ABL2: variants seen among roughly 807,000 people sequenced by gnomAD.
The protein encoded by ABL2 is ABL proto-oncogene 2, non-receptor tyrosine kinase.
A neutral mutation model predicts 107.7 loss-of-function variants in ABL2; 49 were observed. That is an observed-to-expected ratio of 0.45 (90% CI 0.36 to 0.58). ABL2 has a LOEUF of 0.58. Ranked by LOEUF, ABL2 falls within the 20% of genes least tolerant of loss-of-function variation. The pLI is 0.00. For synonymous variants in ABL2, 549 were observed against 548.6 expected (o/e 1.00, Z -0.01); for missense variants, 1,245 against 1,457.0 (o/e 0.85, Z 2.37).
chr1:179,114,383 C>T (rs1044656650), intron 9 of ABL2, among the ~76,000 whole-genome samples: 1 of 109,220 alleles, frequency 9.2e-6, no homozygotes, highest in Non-Finnish European at 2.0e-5. Flanking sequence ...GCCGAAATCA[C>T]GTCACTGCAC....
At chr1:179,215,949 T>C (rs1208815191) in intron 1 of ABL2, among the ~76,000 whole-genome samples, 4 of 152,192 alleles carry the variant, frequency 2.6e-5, no homozygotes, top group Non-Finnish European at 4.4e-5. Flanking sequence ...GAGAGAAACA[T>C]GTTAACAAAA....
intron 1 of ABL2, among the ~76,000 whole-genome samples, chr1:179,154,731 T>C (rs1482057073): frequency 6.6e-6 from 1 of 152,202 alleles, no homozygotes; most frequent in Non-Finnish European, 1.5e-5. Flanking sequence ...CAAAAGAACC[T>C]CTTAATATCA....
intron 3 of ABL2, among the ~76,000 whole-genome samples, chr1:179,128,742 G>A (rs1024785810): frequency 2.6e-5 from 4 of 152,142 alleles, no homozygotes; most frequent in African/African-American, 7.2e-5. Context: ...GCAGTGCAGC[G>A]GTGCAAACAC....
At chr1:179,225,277 G>A (rs1416133089) in intron 1 of ABL2, among the ~76,000 whole-genome samples, 1 of 152,154 alleles carries the variant, frequency 6.6e-6, no homozygotes, top group East Asian at 1.9e-4. Flanking sequence ...CATAATGTAT[G>A]TACCTTTTTA....
chr1:179,155,602 A>G (rs9650998), intron 1 of ABL2, among the ~76,000 whole-genome samples: 20,547 of 151,786 alleles, frequency 0.14, 1,758 homozygotes, highest in African/African-American at 0.24. Context: ...GTGGTGGCAT[A>G]TGCCTTTAGT....
rs941656259 is a variant in ABL2 at position 179,104,684 on chromosome 1, T to C, written c.*3034A>G. On this transcript the variant is annotated 3_prime_UTR_variant, in exon 12 of 12. Coordinates refer to ENST00000502732, the MANE Select transcript of ABL2 (RefSeq NM_007314.4). ...TTAGGTAAAGCACAATCAAGATGTATTCAACACAAATCACTGCATTTTAAA... is the reference window on the plus strand; with the variant it reads ...TTAGGTAAAGCACAATCAAGATGTACTCAACACAAATCACTGCATTTTAAA... 7 of 210,140 alleles carry C rather than the reference T, an allele frequency of 3.3e-5. No individual in the cohort carries two copies. The highest frequency in any genetic ancestry group is 6.8e-5 in the Non-Finnish European group (7 of 103,606). 13.0% of individuals were successfully genotyped at this position (210,140 alleles called of 1,614,324 possible).
In ABL2 at chr1:179,108,202, C is replaced by T. The variant is rs201697670; in HGVS notation, c.3065G>A (p.Gly1022Glu). ...CACTGCGCCCAGAGCTGCCTTCTTT[C>T]CTCCTTCCTGTGTTTCTGATGTGGA... ...GQSTSETQEG[G>E]KKAALGAVPI... Residue 1022 changes from glycine (G) to glutamate (E), a missense_variant, in exon 12 of 12, where the codon GGA (glycine) becomes GAA (glutamate). By Grantham distance (98) the Gly-to-Glu change is moderately conservative. Coordinates refer to ENST00000502732, the MANE Select transcript of ABL2 (RefSeq NM_007314.4). 43 of 1,614,192 alleles carry T rather than the reference C, an allele frequency of 2.7e-5. No individual in the cohort carries two copies. In the East Asian group the frequency reaches 8.7e-4, roughly 33 times the overall value.
chr1:179,136,584 G>A (rs1303396832), intron 1 of ABL2, among the ~76,000 whole-genome samples: 1 of 147,878 alleles, frequency 6.8e-6, no homozygotes, highest in Non-Finnish European at 1.5e-5. Flanking sequence ...GAAGGCCGCA[G>A]GGTCCTCTGC....
intron 10 of ABL2, chr1:179,110,818 C>A: frequency 6.2e-6 from 10 of 1,613,938 alleles, no homozygotes; most frequent in Non-Finnish European, 8.5e-6. Flanking sequence ...CAATGTTATG[C>A]ACGTCTGATT....
intron 1 of ABL2, among the ~76,000 whole-genome samples, chr1:179,139,748 G>A (rs1040110689): frequency 1.3e-5 from 2 of 152,100 alleles, no homozygotes; most frequent in African/African-American, 2.4e-5. Context: ...GAGCATTACC[G>A]CTTGAGCTCC....
At chr1:179,142,933 C>T (rs1273449799) in intron 1 of ABL2, 2 of 1,613,860 alleles carry the variant, frequency 1.2e-6, no homozygotes, top group South Asian at 1.1e-5. Context: ...TGAACCATAC[C>T]TGTTAAGTCG....
At chr1:179,136,115 A>G (rs61821672) in intron 1 of ABL2, among the ~76,000 whole-genome samples, 36 of 112,112 alleles carry the variant, frequency 3.2e-4, no homozygotes, top group African/African-American at 6.0e-4. Flanking sequence ...CCGGCCAGCC[A>G]CCCCGTCCGG....
intron 1 of ABL2, among the ~76,000 whole-genome samples, chr1:179,205,781 C>A (rs765124828): frequency 1.7e-4 from 26 of 152,062 alleles, no homozygotes; most frequent in Non-Finnish European, 3.2e-4. Flanking sequence ...ATTAGACAGA[C>A]CAACTGATTC....
intron 1 of ABL2, among the ~76,000 whole-genome samples, chr1:179,178,565 T>G (rs896952695): frequency 6.6e-6 from 1 of 152,070 alleles, no homozygotes; most frequent in Non-Finnish European, 1.5e-5. Context: ...TAAAAACTTA[T>G]GGCAAAAGTA....
At chr1:179,200,875 G>A (rs992047979) in intron 1 of ABL2, among the ~76,000 whole-genome samples, 43 of 152,152 alleles carry the variant, frequency 2.8e-4, no homozygotes, top group African/African-American at 1.0e-3. Flanking sequence ...TCTCCCAGTG[G>A]AGTCACACAA....
At chr1:179,113,023 G>T (rs1654253355) in intron 9 of ABL2, among the ~76,000 whole-genome samples, 1 of 152,184 alleles carries the variant, frequency 6.6e-6, no homozygotes, top group Admixed American at 6.5e-5. Flanking sequence ...CAAAGCGCTG[G>T]GATTACAGGC....
chr1:179,110,324 C>G lies in ABL2; in HGVS notation c.1783G>C (p.Ala595Pro). ...GCAGAATTTTCTGTGGCATCTTGTG[C>G]CCCTTCAATGTTCTCCTTGTTCTCC... ...QVENKENIEG[A>P]QDATENSASS... Residue 595 changes from alanine (A) to proline (P), a missense_variant, in exon 11 of 12, where the codon GCA becomes CCA. Ala to Pro is a conservative substitution (Grantham distance 27). Transcript: ENST00000502732. The G allele has an allele frequency of 1.2e-6, 2 of 1,614,188 alleles. No individual in the cohort carries two copies. The highest frequency in any genetic ancestry group is 1.7e-6 in the Non-Finnish European group (2 of 1,180,034).
chr1:179,110,338 T>A lies in ABL2; in HGVS notation c.1769A>T (p.Glu590Val). ...RTLKKQVENKENIEGAQDATE... is the reference protein window; with the variant it reads ...RTLKKQVENKVNIEGAQDATE... ...GGCATCTTGTGCCCCTTCAATGTTC[T>A]CCTTGTTCTCCACCTGTTTCTTCAG... The change falls in exon 11 of 12, where the codon GAG becomes GTG. Residue 590 changes from glutamate to valine, a missense_variant. Physicochemically the swap from Glu to Val is moderately radical, Grantham distance 121 (BLOSUM62 -2). Transcript: ENST00000502732. The A allele has an allele frequency of 6.2e-7, 1 of 1,614,242 alleles. No homozygotes were observed. Among genetic ancestry groups the A allele is most frequent in the Non-Finnish European group, 8.5e-7 (1 of 1,180,046 alleles).
At chr1:179,158,418 T>C (rs1004885654) in intron 1 of ABL2, among the ~76,000 whole-genome samples, 4 of 152,150 alleles carry the variant, frequency 2.6e-5, no homozygotes, top group South Asian at 2.1e-4. Flanking sequence ...GAACAGACCA[T>C]GTGGTAAGAT....
Sources: allele counts gnomAD v4.1 joint callset (sites outside exome capture counted in the v4.1 genomes callset), GRCh38; gene constraint gnomAD v4.1.1; transcripts MANE v1.5; gene names NCBI Gene and HGNC (gene_info 2026-07-23, HGNC 2026-07-21).